GRAMD1B: variants seen among roughly 807,000 people sequenced by gnomAD.
The protein encoded by GRAMD1B is GRAM domain containing 1B, also known as protein Aster-B.
In GRAMD1B, 37 loss-of-function variants were observed where a neutral mutation model predicts 99.7. The observed-to-expected ratio is 0.37, with a 90% CI of 0.29 to 0.49. The LOEUF is 0.49. Among genes scored for constraint, GRAMD1B ranks in the 20% least tolerant of loss-of-function variants. GRAMD1B has a pLI of 0.98. For missense variants in GRAMD1B, 888 were observed against 1,009.2 expected, an observed-to-expected ratio of 0.88 and a Z score of 1.63; for synonymous variants, 427 against 387.6, an observed-to-expected ratio of 1.10 and a Z score of -1.19.
intron 1 of GRAMD1B, among the ~76,000 whole-genome samples, chr11:123,457,924 C>T (rs1361365393): frequency 6.6e-6 from 1 of 152,056 alleles, no homozygotes; most frequent in Non-Finnish European, 1.5e-5. Context: ...CTATGTTATC[C>T]AAGGTGGTCT....
At chr11:123,548,325 T>TATACAC (rs1555067740) in intron 2 of GRAMD1B, among the ~76,000 whole-genome samples, 59 of 86,878 alleles carry the variant, frequency 6.8e-4, no homozygotes, top group Non-Finnish European at 1.1e-3. Flanking sequence ...TATATATATA[T>TATACAC]ACACACACAC....
At chr11:123,602,445 A>G (rs908601739) in intron 8 of GRAMD1B, among the ~76,000 whole-genome samples, 2 of 152,148 alleles carry the variant, frequency 1.3e-5, no homozygotes, top group African/African-American at 4.8e-5. Context: ...ATGTGTATAC[A>G]TGTGCCATGT....
chr11:123,533,207 G>T (rs1447895526), intron 2 of GRAMD1B, among the ~76,000 whole-genome samples: 2 of 152,094 alleles, frequency 1.3e-5, no homozygotes, highest in South Asian at 2.1e-4. Context: ...CCGAACTCAG[G>T]TGATCTGCCC....
chr11:123,534,125 G>A (rs926529970), intron 2 of GRAMD1B, among the ~76,000 whole-genome samples: 6 of 152,246 alleles, frequency 3.9e-5, no homozygotes, highest in African/African-American at 1.2e-4. Context: ...ATTGCCTACT[G>A]TTGACCAGAA....
At chr11:123,561,222 G>A (rs1264936901) in intron 2 of GRAMD1B, among the ~76,000 whole-genome samples, 1 of 152,174 alleles carries the variant, frequency 6.6e-6, no homozygotes, top group African/African-American at 2.4e-5. Context: ...AGAGCTTCTG[G>A]GGGAGGTGTG....
At chr11:123,568,575 G>A (rs1056336179) in intron 2 of GRAMD1B, among the ~76,000 whole-genome samples, 1 of 152,200 alleles carries the variant, frequency 6.6e-6, no homozygotes, top group African/African-American at 2.4e-5. Flanking sequence ...GGCCCATTCT[G>A]TGTCAGATCT....
chr11:123,432,914 A>G (rs1214156945), intron 1 of GRAMD1B, among the ~76,000 whole-genome samples: 1 of 152,210 alleles, frequency 6.6e-6, no homozygotes, highest in Non-Finnish European at 1.5e-5. Flanking sequence ...TGGTTCTCTC[A>G]GCAGGTGCAG....
At chr11:123,425,973 C>A (rs1363899961), upstream of GRAMD1B, among the ~76,000 whole-genome samples, 1 of 152,190 alleles carries the variant, frequency 6.6e-6, no homozygotes, top group Non-Finnish European at 1.5e-5. Flanking sequence ...CGAACCCTCA[C>A]TTCCTTGCTT....
chr11:123,593,157 G>A (rs974835303), intron 4 of GRAMD1B, among the ~76,000 whole-genome samples: 5 of 151,162 alleles, frequency 3.3e-5, no homozygotes, highest in Non-Finnish European at 7.4e-5. Flanking sequence ...GCTTGAACCC[G>A]GGAGGTGGAG....
chr11:123,595,454 C>T lies in GRAMD1B; in HGVS notation c.874-488C>T, dbSNP rs567348581. On this transcript the variant is annotated intron_variant, in intron 6 of 19. Coordinates refer to ENST00000635736, the MANE Select transcript of GRAMD1B (RefSeq NM_001387025.1). ...GATTACAGGCATGCGCCACCACGCCCGCTAATTTTGTATTTTTTAAGTAGA... is the reference window on the plus strand; with the variant it reads ...GATTACAGGCATGCGCCACCACGCCTGCTAATTTTGTATTTTTTAAGTAGA... 5.3e-5 allele frequency among the ~76,000 whole-genome samples: 8 copies of T among 151,982 alleles called. No individual in the cohort carries two copies. In the South Asian group the frequency reaches 6.3e-4, roughly 12 times the overall value.
intron 19 of GRAMD1B, among the ~76,000 whole-genome samples, chr11:123,620,392 T>C (rs1954953499): frequency 7.3e-6 from 1 of 136,102 alleles, no homozygotes; most frequent in African/African-American, 2.7e-5. Context: ...GAGAATTGCT[T>C]GAACCTGGGA....
At chr11:123,494,419 CT>C (rs772746624) in intron 2 of GRAMD1B, among the ~76,000 whole-genome samples, 6,287 of 138,464 alleles carry the variant, frequency 0.045, 333 homozygotes, top group African/African-American at 0.13. Flanking sequence ...CACTTAAGGC[CT>C]TTTTTTTTTT....
chr11:123,481,485 C>CA (rs1402487350), intron 2 of GRAMD1B, among the ~76,000 whole-genome samples: 5 of 151,816 alleles, frequency 3.3e-5, no homozygotes, highest in Non-Finnish European at 5.9e-5. Flanking sequence ...ACAAACTTTA[C>CA]AGTGGAGTTA....
chr11:123,364,001 G>T (rs901426766), intron 1 of GRAMD1B, among the ~76,000 whole-genome samples: 2 of 152,170 alleles, frequency 1.3e-5, no homozygotes, highest in East Asian at 1.9e-4. Context: ...GGACATGGTT[G>T]GTTGGGTGGA....
At chr11:123,388,075 G>A (rs924364949) in intron 1 of GRAMD1B, among the ~76,000 whole-genome samples, 21 of 142,950 alleles carry the variant, frequency 1.5e-4, no homozygotes, top group Non-Finnish European at 2.5e-4. Flanking sequence ...GCAGTGAGCC[G>A]AGATTGTACC....
In GRAMD1B at chr11:123,609,795, A is replaced by T; in HGVS notation, c.1658A>T (p.Asp553Val). Residue 553 changes from aspartate (D) to valine (V), a missense_variant and splice_region_variant, in exon 13 of 20, where the codon GAT becomes GTT. By Grantham distance (152) the Asp-to-Val change is radical. Around this residue, in one of 5 missense-constraint regions of GRAMD1B, gnomAD observed 269 missense variants for 296.6 expected, o/e 0.91. Coordinates refer to ENST00000635736, the MANE Select transcript of GRAMD1B (RefSeq NM_001387025.1). ...RDFMEQRRFS[D>V]IIFHPWKKEE... ...TTCCAGGGCTCTCCTCTACCCTTAG[A>T]TATCATCTTCCATCCATGGAAAAAG... is the stretch of plus-strand genomic sequence containing the variant. The T allele has an allele frequency of 6.5e-7, 1 of 1,530,914 alleles. No individual in the cohort carries two copies. The highest frequency in any genetic ancestry group is 9.0e-7 in the Non-Finnish European group (1 of 1,114,034). 94.8% of individuals were successfully genotyped at this position (1,530,914 alleles called of 1,614,324 possible).
chr11:123,450,358 C>T (rs1353381922), intron 1 of GRAMD1B, among the ~76,000 whole-genome samples: 1 of 152,154 alleles, frequency 6.6e-6, no homozygotes, highest in African/African-American at 2.4e-5. Flanking sequence ...ATATATGCAT[C>T]CTTCCACCTT....
At chr11:123,455,365 G>A (rs978213764) in intron 1 of GRAMD1B, among the ~76,000 whole-genome samples, 6 of 152,124 alleles carry the variant, frequency 3.9e-5, no homozygotes, top group Non-Finnish European at 8.8e-5. Flanking sequence ...GGGCTCAAGT[G>A]ATCTGCCTTC....
At chr11:123,550,260 C>A (rs1002545560) in intron 2 of GRAMD1B, among the ~76,000 whole-genome samples, 1 of 152,152 alleles carries the variant, frequency 6.6e-6, no homozygotes, top group Non-Finnish European at 1.5e-5. Context: ...ATTGATCAAC[C>A]TCTCGAGACA....
Sources: gnomAD v4.1 joint callset for allele counts (sites outside exome capture counted in the v4.1 genomes callset) on GRCh38, gnomAD v4.1.1 for gene constraint, gnomAD v4.1.1 regional missense constraint, MANE v1.5 for transcripts, NCBI Gene and HGNC (gene_info 2026-07-23, HGNC 2026-07-21) for gene names.